SEC22A: variants seen among roughly 807,000 people sequenced by gnomAD.
SEC22A encodes SEC22 homolog A, vesicle trafficking protein, also known as vesicle-trafficking protein SEC22a.
In SEC22A, 22 loss-of-function variants were observed where a neutral mutation model predicts 35.3. That is an observed-to-expected ratio of 0.62 (90% CI 0.45 to 0.89). SEC22A has a LOEUF of 0.89. Ranked by LOEUF, SEC22A falls within the 40% of genes least tolerant of loss-of-function variation. SEC22A has a pLI of 0.00. For synonymous variants in SEC22A, 119 were observed against 129.5 expected, an observed-to-expected ratio of 0.92 and a Z score of 0.55; for missense variants, 354 against 362.5, an observed-to-expected ratio of 0.98 and a Z score of 0.19.
chr3:123,245,223 A>G (rs1280356127), intron 4 of SEC22A, among the ~76,000 whole-genome samples: 2 of 152,226 alleles, frequency 1.3e-5, no homozygotes, highest in Non-Finnish European at 2.9e-5. Context: ...AAGCATTTTC[A>G]GAAAAAGTAG....
chr3:123,256,758 CTTT>C (rs386397801), intron 5 of SEC22A, among the ~76,000 whole-genome samples: 1 of 83,540 alleles, frequency 1.2e-5, no homozygotes. Flanking sequence ...TTTTTCTTTC[CTTT>C]TTTTTTTTTT....
intron 2 of SEC22A, among the ~76,000 whole-genome samples, chr3:123,220,671 T>G (rs1452725883): frequency 6.6e-6 from 1 of 151,922 alleles, no homozygotes; most frequent in Non-Finnish European, 1.5e-5. Flanking sequence ...ACATAGTGGT[T>G]TACAACTTGC....
intron 1 of SEC22A, among the ~76,000 whole-genome samples, chr3:123,206,024 T>A (rs1237091226): frequency 6.6e-6 from 1 of 152,248 alleles, no homozygotes; most frequent in Admixed American, 6.5e-5. Context: ...GAAGACTACA[T>A]GAAATTTGGC....
intron 5 of SEC22A, among the ~76,000 whole-genome samples, chr3:123,246,270 C>T (rs1427166982): frequency 6.6e-6 from 1 of 152,152 alleles, no homozygotes; most frequent in East Asian, 1.9e-4. Flanking sequence ...GTGACATAGG[C>T]CTTGCAGTCT....
At chr3:123,264,741 G>T (rs1173156151) in intron 6 of SEC22A, among the ~76,000 whole-genome samples, 1 of 150,868 alleles carries the variant, frequency 6.6e-6, no homozygotes. Flanking sequence ...TGATTCTTCC[G>T]CCTTAGCCAC....
intron 5 of SEC22A, among the ~76,000 whole-genome samples, chr3:123,258,718 AG>A (rs200231224): frequency 6.9e-6 from 1 of 144,320 alleles, no homozygotes; most frequent in East Asian, 2.0e-4. Context: ...TTGTATAAAG[AG>A]GTTTTTTTTT....
At chr3:123,211,259 G>C (rs544099292) in intron 2 of SEC22A, among the ~76,000 whole-genome samples, 1 of 152,154 alleles carries the variant, frequency 6.6e-6, no homozygotes, top group South Asian at 2.1e-4. Flanking sequence ...AGTTTGATTG[G>C]GGATCACTTT....
chr3:123,257,190 C>T (rs1386991997), intron 5 of SEC22A, among the ~76,000 whole-genome samples: 1 of 152,084 alleles, frequency 6.6e-6, no homozygotes, highest in Non-Finnish European at 1.5e-5. Flanking sequence ...TTTTAAGTGA[C>T]ACAGACAGTA....
At chr3:123,244,351 C>CT (rs1459157331) in intron 4 of SEC22A, among the ~76,000 whole-genome samples, 1 of 152,178 alleles carries the variant, frequency 6.6e-6, no homozygotes, top group Non-Finnish European at 1.5e-5. Context: ...GCCAGCTGTC[C>CT]TTCAGCAAAG....
At chr3:123,242,951 A>G (rs1209557598) in intron 4 of SEC22A, among the ~76,000 whole-genome samples, 1 of 152,128 alleles carries the variant, frequency 6.6e-6, no homozygotes, top group East Asian at 1.9e-4. Flanking sequence ...AATCTTCTTT[A>G]AGTATAACCT....
chr3:123,241,043 A>ACACACACACACACACAC (rs60223777), intron 4 of SEC22A, among the ~76,000 whole-genome samples: 1 of 139,876 alleles, frequency 7.1e-6, no homozygotes, highest in East Asian at 2.0e-4. Flanking sequence ...ACACACACAC[A>ACACACACACACACACAC]TCCCCTTCAT....
chr3:123,230,223 T>C (rs1213589449), intron 4 of SEC22A, among the ~76,000 whole-genome samples: 1 of 152,184 alleles, frequency 6.6e-6, no homozygotes, highest in Admixed American at 6.5e-5. Context: ...GTATATATAA[T>C]GTCATTTGGG....
chr3:123,265,933 C>T (rs1938013861), intron 6 of SEC22A, among the ~76,000 whole-genome samples: 1 of 152,130 alleles, frequency 6.6e-6, no homozygotes, highest in African/African-American at 2.4e-5. Flanking sequence ...ACCACATAGT[C>T]TCGATTACTG....
chr3:123,262,723 T>G (rs909342622), intron 6 of SEC22A, among the ~76,000 whole-genome samples: 1 of 152,202 alleles, frequency 6.6e-6, no homozygotes, highest in African/African-American at 2.4e-5. Flanking sequence ...TTAAATACAT[T>G]TTTAACTTAG....
intron 5 of SEC22A, among the ~76,000 whole-genome samples, chr3:123,250,042 TTCTGTAGA>T (rs1406382170): frequency 4.6e-5 from 7 of 152,192 alleles, no homozygotes; most frequent in Non-Finnish European, 7.3e-5. Flanking sequence ...CTGCTTAATT[TTCTGTAGA>T]CCTAAAACTG....
intron 2 of SEC22A, 133 bp downstream of exon 2, chr3:123,209,532 T>C (rs763241133): frequency 3.8e-5 from 26 of 675,368 alleles, no homozygotes; most frequent in South Asian, 6.2e-5. Context: ...TCTGAACTTA[T>C]ACTAAATAGT....
intron 4 of SEC22A, among the ~76,000 whole-genome samples, chr3:123,240,004 G>A (rs1248213583): frequency 1.3e-5 from 2 of 152,184 alleles, no homozygotes; most frequent in East Asian, 3.9e-4. Context: ...TGTCTGACAT[G>A]TGGCCCTGGG....
intron 2 of SEC22A, among the ~76,000 whole-genome samples, chr3:123,215,597 A>G (rs569743292): frequency 1.3e-5 from 2 of 152,334 alleles, no homozygotes; most frequent in South Asian, 2.1e-4. Context: ...GGGTAGTGCT[A>G]TCACTACCCT....
At chr3:123,207,039 G>C (rs1393489773) in intron 1 of SEC22A, among the ~76,000 whole-genome samples, 1 of 152,202 alleles carries the variant, frequency 6.6e-6, no homozygotes, top group Non-Finnish European at 1.5e-5. Context: ...AGTGAACTGA[G>C]ATCGCACCAC....
Sources: allele counts gnomAD v4.1 joint callset (sites outside exome capture counted in the v4.1 genomes callset), GRCh38; gene constraint gnomAD v4.1.1; transcripts MANE v1.5; gene names NCBI Gene and HGNC (gene_info 2026-07-23, HGNC 2026-07-21).